The following UGT1A5 variants were observed in gnomAD, a reference collection of about 807,000 sequenced individuals.
The protein encoded by UGT1A5 is UDP glucuronosyltransferase family 1 member A5.
A neutral mutation model predicts 40.3 loss-of-function variants in UGT1A5; 29 were observed. That is an observed-to-expected ratio of 0.72 (90% CI 0.54 to 0.98). UGT1A5 has a LOEUF of 0.98. Among genes scored for constraint, UGT1A5 ranks in the 50% least tolerant of loss-of-function variants. UGT1A5 has a pLI of 0.00. For synonymous variants in UGT1A5, 257 were observed against 262.5 expected (o/e 0.98, Z 0.20); for missense variants, 678 against 677.9 (o/e 1.00, Z 0.00).
At chr2:233,742,194 T>G (rs1691905587) in intron 1 of UGT1A5, among the ~76,000 whole-genome samples, 1 of 151,838 alleles carries the variant, frequency 6.6e-6, no homozygotes. Context: ...GAGTGGGAAA[T>G]CAGGGGACTC....
chr2:233,718,935 A>G, intron 1 of UGT1A5: 1 of 1,614,132 alleles, frequency 6.2e-7, no homozygotes, highest in South Asian at 1.1e-5. Context: ...CACTGATGGC[A>G]GCCCCTGGCT....
chr2:233,713,743 A>G lies in UGT1A5; in HGVS notation c.752A>G (p.His251Arg), dbSNP rs2076342174. 9 of 1,613,788 alleles carry G rather than the reference A, an allele frequency of 5.6e-6. No individual in the cohort carries two copies. Among genetic ancestry groups the G allele is most frequent in the Admixed American group, 3.3e-5 (2 of 59,984 alleles). Residue 251 changes from histidine (H) to arginine (R), a missense_variant, in exon 1 of 5, where the codon CAT becomes CGT. Physicochemically the swap from His to Arg is conservative, Grantham distance 29. Transcript: ENST00000373414. ...REVSVVDLVS[H>R]ASVWLFRGDF... ...GTGTCAGTGGTGGATCTTGTCAGCC[A>G]TGCATCTGTGTGGCTGTTCCGAGGG...
chr2:233,758,658 T>A lies in UGT1A5; in HGVS notation c.868-8376T>A, dbSNP rs188603135. 5.3e-5 allele frequency among the ~76,000 whole-genome samples: 8 copies of A among 152,318 alleles called. No individual in the cohort carries two copies. In the East Asian group the frequency reaches 1.5e-3, roughly 29 times the overall value. ...TAAGGAGAAGAATGAGAGGGTACCCTAATTACCTGTTAATATGTCCCATAG... is the reference window on the plus strand; with the variant it reads ...TAAGGAGAAGAATGAGAGGGTACCCAAATTACCTGTTAATATGTCCCATAG... On this transcript the variant is annotated intron_variant, in intron 1 of 4. Coordinates refer to ENST00000373414, the MANE Select transcript of UGT1A5 (RefSeq NM_019078.2).
At chr2:233,765,903 C>A (rs906451235) in intron 1 of UGT1A5, among the ~76,000 whole-genome samples, 6 of 152,044 alleles carry the variant, frequency 3.9e-5, no homozygotes, top group African/African-American at 1.5e-4. Flanking sequence ...ACTGCTCAAA[C>A]CTCTAGGGGA....
chr2:233,729,868 A>G lies in UGT1A5; in HGVS notation c.867+16010A>G, dbSNP rs754430297. ...TCAGAGAGAGGTGTCAGTGGTGGAT[A>G]TTCTCAGTCATGCATCTGTGTGGCT... On this transcript the variant is annotated intron_variant, in intron 1 of 4. Transcript: ENST00000373414. 6.2e-7 allele frequency: 1 copy of G among 1,613,720 alleles called. No homozygotes were observed. Among genetic ancestry groups the G allele is most frequent in the Non-Finnish European group, 8.5e-7 (1 of 1,179,808 alleles).
At position 233,734,691 on chromosome 2, in the gene UGT1A5, CCCAGAGA is replaced by C. The variant is rs551995171; in HGVS notation, c.867+20834_867+20840del. On this transcript the variant is annotated intron_variant, in intron 1 of 4. Coordinates refer to ENST00000373414, the MANE Select transcript of UGT1A5 (RefSeq NM_019078.2). ...CCTCTACACACTGATTTAAATGTGT[CCCAGAGA>C]TTCTGGTATGTTGTGTCTTTGTTCT... Among the ~76,000 whole-genome samples, 1,501 of 152,268 alleles carry C rather than the reference CCCAGAGA, an allele frequency of 9.9e-3. 21 individuals carry two copies. The highest frequency in any genetic ancestry group is 0.034 in the African/African-American group (1,432 of 41,544).
intron 1 of UGT1A5, among the ~76,000 whole-genome samples, chr2:233,737,512 C>T (rs2078888926): frequency 6.6e-6 from 1 of 152,170 alleles, no homozygotes; most frequent in African/African-American, 2.4e-5. Context: ...CTTGCACTTC[C>T]TAGGTGAGGC....
At chr2:233,721,562 G>C (rs1409521853) in intron 1 of UGT1A5, 1 of 161,154 alleles carries the variant, frequency 6.2e-6, no homozygotes, top group Non-Finnish European at 1.4e-5. Context: ...GTTTCTTCTG[G>C]GATATCTTTT....
chr2:233,769,840 A>G lies in UGT1A5; in HGVS notation c.1307+1401A>G, dbSNP rs1259397954. 2 of 589,486 alleles carry G rather than the reference A, an allele frequency of 3.4e-6. No homozygotes were observed. The highest frequency in any genetic ancestry group is 5.2e-6 in the Non-Finnish European group (2 of 381,342). The allele number at this position is 589,486 out of a possible 1,614,324, so 36.5% of individuals were successfully genotyped here. On this transcript the variant is annotated intron_variant, in intron 4 of 4. Transcript: ENST00000373414. This position sits in a 1 kb window ranked among gnomAD's most constrained non-coding sequence, Gnocchi z 4.4. ...ACTGCACTCCAGCAACCTGGGCAAC[A>G]GAGTGAGACCCTGTCTCAAAAAAAA...
At chr2:233,728,679 GAA>G (rs1247668399) in intron 1 of UGT1A5, among the ~76,000 whole-genome samples, 1 of 152,248 alleles carries the variant, frequency 6.6e-6, no homozygotes, top group Non-Finnish European at 1.5e-5. Flanking sequence ...TACATGAGAA[GAA>G]AGTTTCAAGG....
intron 1 of UGT1A5, among the ~76,000 whole-genome samples, chr2:233,742,294 T>C (rs1176827830): frequency 3.3e-5 from 5 of 152,006 alleles, no homozygotes; most frequent in African/African-American, 1.2e-4. Context: ...CTATAGATTA[T>C]AGATTAACTA....
chr2:233,747,923 G>A (rs1349241680), intron 1 of UGT1A5: 2 of 1,613,414 alleles, frequency 1.2e-6, no homozygotes, highest in Non-Finnish European at 1.7e-6. Flanking sequence ...TTGCCTCTGA[G>A]CTTTTTCAGA....
intron 1 of UGT1A5, among the ~76,000 whole-genome samples, chr2:233,766,201 G>T (rs544565545): frequency 2.4e-4 from 37 of 152,254 alleles, no homozygotes; most frequent in Admixed American, 4.6e-4. Flanking sequence ...CTCAGCAGAT[G>T]GGGGAAGCCA....
rs1449126487 is a variant in UGT1A5, at chr2:233,713,999, G to T, written c.867+141G>T. The T allele has an allele frequency of 1.2e-5, 18 of 1,554,686 alleles. No homozygotes were observed. In the East Asian group the frequency reaches 2.8e-4, roughly 24 times the overall value. ...TCTCATTGTTGTAATAGTCTTCAGT[G>T]AGATAAACTTTTAAAGGGTCAATGG... On this transcript the variant is annotated intron_variant, in intron 1 of 4. Transcript: ENST00000373414.
At chr2:233,768,527 T>C in intron 4 of UGT1A5, 88 bp downstream of exon 4, 2 of 1,515,488 alleles carry the variant, frequency 1.3e-6, no homozygotes, top group South Asian at 2.6e-5. Context: ...TAGCATTTAA[T>C]AGCGTTGTTT....
At chr2:233,759,130 A>T (rs1697062304) in intron 1 of UGT1A5, among the ~76,000 whole-genome samples, 1 of 152,244 alleles carries the variant, frequency 6.6e-6, no homozygotes, top group Non-Finnish European at 1.5e-5. Flanking sequence ...AGCCTCTGGT[A>T]CGCAATGAAG....
rs2126030462 is a variant in UGT1A5 at position 233,767,128 on chromosome 2, T to C, written c.962T>C (p.Met321Thr). The change falls in exon 2 of 5, where the codon ATG (methionine) becomes ACG (threonine). Residue 321 changes from methionine to threonine, a missense_variant. Transcript: ENST00000373414. Reference protein sequence around the residue: ...MVSEIPEKKAMAIADALGKIP... With the variant: ...MVSEIPEKKATAIADALGKIP... ...TCAGAAATTCCAGAGAAGAAAGCTA[T>C]GGCAATTGCTGATGCTTTGGGCAAA... 1 of 1,614,150 alleles carries C rather than the reference T, an allele frequency of 6.2e-7. No individual in the cohort carries two copies. The highest frequency in any genetic ancestry group is 1.3e-5 in the African/African-American group (1 of 75,052).
intron 1 of UGT1A5, among the ~76,000 whole-genome samples, chr2:233,750,227 A>C (rs977533582): frequency 6.6e-6 from 1 of 151,900 alleles, no homozygotes; most frequent in Admixed American, 6.5e-5. Flanking sequence ...GAGATGAGGA[A>C]CTTATTGGGA....
intron 1 of UGT1A5, among the ~76,000 whole-genome samples, chr2:233,744,831 G>A (rs1406769887): frequency 6.6e-6 from 1 of 151,816 alleles, no homozygotes; most frequent in African/African-American, 2.4e-5. Flanking sequence ...TTTGAGAATC[G>A]CTAGTCTAGC....
Sources: gnomAD v4.1 joint callset for allele counts (sites outside exome capture counted in the v4.1 genomes callset) on GRCh38, gnomAD v4.1.1 for gene constraint, Gnocchi (gnomAD v3.1) non-coding constraint, MANE v1.5 for transcripts, NCBI Gene and HGNC (gene_info 2026-07-23, HGNC 2026-07-21) for gene names.